Variants in NPAS3 observed in about 807,000 individuals in gnomAD.
The protein encoded by NPAS3 is neuronal PAS domain protein 3, also known as neuronal PAS domain-containing protein 3.
Under a neutral mutation model 73.1 loss-of-function variants are expected in NPAS3, and 14 were observed. The ratio of observed to expected loss-of-function variants is 0.19; its 90% CI spans 0.13 to 0.30. The LOEUF is 0.30. Ranked by LOEUF, NPAS3 falls within the 10% of genes least tolerant of loss-of-function variation. The pLI, the probability that NPAS3 is intolerant of heterozygous loss-of-function variation, is 1.00. For synonymous variants in NPAS3, 620 were observed against 541.5 expected (o/e 1.14, Z -2.01); for missense variants, 1,096 against 1,250.0 (o/e 0.88, Z 1.86).
At chr14:33,450,312 G>A (rs1282053548) in intron 4 of NPAS3, among the ~76,000 whole-genome samples, 1 of 152,038 alleles carries the variant, frequency 6.6e-6, no homozygotes, top group South Asian at 2.1e-4. Flanking sequence ...TGCAGTCATC[G>A]GAAAAGAAAA....
Position 33,511,364 on chromosome 14 carries a change from C to T in NPAS3, c.469-48757C>T, listed in dbSNP as rs2053041907. 2.0e-5 allele frequency among the ~76,000 whole-genome samples: 3 copies of T among 152,098 alleles called. No homozygotes were observed. In the South Asian group the frequency reaches 6.2e-4, roughly 32 times the overall value. On this transcript the variant is annotated intron_variant, in intron 4 of 11. Coordinates refer to ENST00000356141, the Ensembl canonical transcript of NPAS3. ...TTATACAACTTCCTATTTTTATTTC[C>T]ATCACTTTTGATCCCTTTCGGCAGG...
intron 3 of NPAS3, among the ~76,000 whole-genome samples, chr14:33,351,545 A>G (rs1463097219): frequency 3.9e-5 from 6 of 152,238 alleles, no homozygotes; most frequent in Non-Finnish European, 7.3e-5. Flanking sequence ...TAAGTTGAAG[A>G]TTTAAAAATG....
At chr14:33,256,731 A>G (rs2048791918) in intron 3 of NPAS3, among the ~76,000 whole-genome samples, 1 of 152,248 alleles carries the variant, frequency 6.6e-6, no homozygotes, top group Non-Finnish European at 1.5e-5. Context: ...TTAGACTTAC[A>G]TATTATTAAT....
intron 5 of NPAS3, among the ~76,000 whole-genome samples, chr14:33,665,993 G>C (rs1406106875): frequency 6.6e-6 from 1 of 152,078 alleles, no homozygotes; most frequent in African/African-American, 2.4e-5. Flanking sequence ...CAATTATCTA[G>C]GCCTATGTCT....
At chr14:33,455,307 T>TG (rs2049975938) in intron 4 of NPAS3, among the ~76,000 whole-genome samples, 1 of 152,164 alleles carries the variant, frequency 6.6e-6, no homozygotes, top group South Asian at 2.1e-4. Flanking sequence ...AAGATGGTTT[T>TG]GGGGGGTGGG....
intron 4 of NPAS3, among the ~76,000 whole-genome samples, chr14:33,380,854 C>T (rs2046516665): frequency 6.6e-6 from 1 of 152,110 alleles, no homozygotes; most frequent in Admixed American, 6.5e-5. Context: ...ATAAAAAATG[C>T]AGGTGACCCT....
chr14:33,593,039 T>A (rs937302942), intron 5 of NPAS3, among the ~76,000 whole-genome samples: 1 of 152,098 alleles, frequency 6.6e-6, no homozygotes, highest in Non-Finnish European at 1.5e-5. Context: ...CCTGCTTGCA[T>A]ACCCCATTTA....
intron 5 of NPAS3, among the ~76,000 whole-genome samples, chr14:33,653,963 A>G (rs1254485807): frequency 1.3e-5 from 2 of 152,186 alleles, no homozygotes; most frequent in African/African-American, 4.8e-5. Flanking sequence ...TTGTTCACAA[A>G]AGAGAAAGTC....
At chr14:33,224,772 G>T (rs923297323) in intron 3 of NPAS3, among the ~76,000 whole-genome samples, 2 of 151,944 alleles carry the variant, frequency 1.3e-5, no homozygotes, top group African/African-American at 4.8e-5. Context: ...TAGAGCAAAT[G>T]ATAACATTTT....
chr14:33,389,591 G>A (rs1233996344), intron 4 of NPAS3, among the ~76,000 whole-genome samples: 1 of 152,048 alleles, frequency 6.6e-6, no homozygotes, highest in African/African-American at 2.4e-5. Flanking sequence ...GTTTAGCGGG[G>A]GCTGTTGCTT....
chr14:33,072,828 C>G (rs1470812115), intron 2 of NPAS3, among the ~76,000 whole-genome samples: 2 of 152,122 alleles, frequency 1.3e-5, no homozygotes, highest in Admixed American at 6.6e-5. Context: ...CATCTAGTCT[C>G]TCTTTCTCTG....
rs551670302 is a variant in NPAS3 at position 33,609,939 on chromosome 14, GTCTTTA to G, written c.558+49735_558+49740del. Among the ~76,000 whole-genome samples, 80 of 152,248 alleles carry G rather than the reference GTCTTTA, an allele frequency of 5.3e-4. 1 individual carries two copies. The Middle Eastern group carries it at 0.024, about 45-fold the overall frequency. ...TTAAATTGTTCATTTGTTTATTTAAGTCTTTATCTTTTTAACCAAATGTAGTGTTAC... is the reference window on the plus strand; with the variant it reads ...TTAAATTGTTCATTTGTTTATTTAAGTCTTTTTAACCAAATGTAGTGTTAC... On this transcript the variant is annotated intron_variant, in intron 5 of 11. Coordinates refer to ENST00000356141, the Ensembl canonical transcript of NPAS3.
chr14:33,464,525 T>A (rs189104208), intron 4 of NPAS3, among the ~76,000 whole-genome samples: 6 of 152,220 alleles, frequency 3.9e-5, no homozygotes, highest in African/African-American at 1.4e-4. Context: ...CTCTATGAAG[T>A]TTTTTGAGAG....
chr14:33,112,735 C>T (rs1308962812), intron 2 of NPAS3, among the ~76,000 whole-genome samples: 1 of 152,108 alleles, frequency 6.6e-6, no homozygotes, highest in Admixed American at 6.6e-5. Flanking sequence ...ACATGAAGTC[C>T]TTGCCCATGC....
intron 6 of NPAS3, among the ~76,000 whole-genome samples, chr14:33,695,059 T>G (rs115725036): frequency 4.6e-5 from 7 of 152,296 alleles, no homozygotes; most frequent in African/African-American, 1.7e-4. Context: ...CTAACTGAAG[T>G]ACCTCCACAT....
At chr14:33,582,964 T>C (rs982102377) in intron 5 of NPAS3, among the ~76,000 whole-genome samples, 28 of 138,732 alleles carry the variant, frequency 2.0e-4, no homozygotes, top group Non-Finnish European at 3.8e-4. Flanking sequence ...CCTAGATATT[T>C]AAAGGGTTTT....
chr14:33,490,013 G>A (rs1481212972), intron 4 of NPAS3, among the ~76,000 whole-genome samples: 1 of 152,122 alleles, frequency 6.6e-6, no homozygotes, highest in Non-Finnish European at 1.5e-5. Flanking sequence ...CTAAAATATG[G>A]TGAGCTGTTT....
At chr14:33,302,418 G>A (rs1166763638) in intron 3 of NPAS3, among the ~76,000 whole-genome samples, 1 of 152,106 alleles carries the variant, frequency 6.6e-6, no homozygotes, top group Non-Finnish European at 1.5e-5. Flanking sequence ...AATTAACAAG[G>A]GTCAGTATGG....
intron 5 of NPAS3, among the ~76,000 whole-genome samples, chr14:33,594,844 G>A (rs1382352822): frequency 6.6e-6 from 1 of 152,130 alleles, no homozygotes. Context: ...ATCCCAAATG[G>A]TCTGAAGGCC....
Sources: allele counts gnomAD v4.1 joint callset (sites outside exome capture counted in the v4.1 genomes callset), GRCh38; gene constraint gnomAD v4.1.1; transcripts MANE v1.5; gene names NCBI Gene and HGNC (gene_info 2026-07-23, HGNC 2026-07-21).